ALG9: variants seen among roughly 807,000 people sequenced by gnomAD.
ALG9 encodes the protein alpha-1,2-mannosyltransferase ALG9.
Under a neutral mutation model 81.8 loss-of-function variants are expected in ALG9, and 55 were observed. The ratio of observed to expected loss-of-function variants is 0.67; its 90% CI spans 0.54 to 0.84. The LOEUF (loss-of-function observed/expected upper bound fraction) is 0.84. Ranked by LOEUF, ALG9 falls within the 40% of genes least tolerant of loss-of-function variation. The pLI is 0.00. For synonymous variants in ALG9, 278 were observed against 274.3 expected (o/e 1.01, Z -0.13); for missense variants, 629 against 745.0 (o/e 0.84, Z 1.81).
chr11:111,850,809 G>A (rs1355350839), intron 8 of ALG9, among the ~76,000 whole-genome samples: 5 of 150,976 alleles, frequency 3.3e-5, no homozygotes, highest in Middle Eastern at 3.4e-3. Flanking sequence ...ACTGCCTAAA[G>A]TCTGGCTGAC....
chr11:111,851,415 T>C (rs1387002157), intron 8 of ALG9, among the ~76,000 whole-genome samples: 1 of 148,450 alleles, frequency 6.7e-6, no homozygotes, highest in Non-Finnish European at 1.5e-5. Flanking sequence ...GGAGGGGAGG[T>C]TGCAGTGAGC....
rs1421049277 is a variant in ALG9, at chr11:111,788,832, T to C, written c.1734-2312A>G. Among the ~76,000 whole-genome samples the C allele has an allele frequency of 3.3e-5, 5 of 151,918 alleles. No individual in the cohort carries two copies. In the East Asian group the frequency reaches 9.6e-4, roughly 29 times the overall value. On this transcript the variant is annotated intron_variant, in intron 14 of 14. Transcript: ENST00000616540. ...AAGGGTAGAACAGAAAGATGCAAAATAGAGCAAACTCCTATAAGCTTTAGT... is the reference window on the plus strand; with the variant it reads ...AAGGGTAGAACAGAAAGATGCAAAACAGAGCAAACTCCTATAAGCTTTAGT...
Position 111,820,210 on chromosome 11 carries a change from T to A in ALG9, c.1603-10437A>T, listed in dbSNP as rs202082520. Among the ~76,000 whole-genome samples, 16 of 152,266 alleles carry A rather than the reference T, an allele frequency of 1.1e-4. No homozygotes were observed. In the East Asian group the frequency reaches 2.9e-3, roughly 28 times the overall value. On this transcript the variant is annotated intron_variant, in intron 13 of 14. Transcript: ENST00000616540. ...AATCCAAAGGAAATAAACAGAAGAA[T>A]CACACTTAAGAGCAACTGTCTTAGT...
intron 8 of ALG9, among the ~76,000 whole-genome samples, chr11:111,845,985 A>G (rs1351189141): frequency 3.3e-5 from 5 of 152,224 alleles, no homozygotes; most frequent in African/African-American, 1.2e-4. Context: ...ATGATAGAGA[A>G]TATTCATGAA....
intron 8 of ALG9, among the ~76,000 whole-genome samples, chr11:111,852,093 T>G (rs1478264459): frequency 1.3e-5 from 2 of 152,194 alleles, no homozygotes; most frequent in Non-Finnish European, 2.9e-5. Flanking sequence ...TTGGTTCTAT[T>G]GGCAAAATGG....
chr11:111,870,779 A>G, intron 1 of ALG9: 1 of 1,008,858 alleles, frequency 9.9e-7, no homozygotes, highest in African/African-American at 1.7e-5. Flanking sequence ...ACTCACTTGA[A>G]GGCCACAAAG....
At chr11:111,774,177 G>A in the ALG9 span, among the ~76,000 whole-genome samples, 1 of 150,278 alleles carries the variant, frequency 6.7e-6, no homozygotes, top group Non-Finnish European at 1.5e-5. Context: ...GGGAGTTTGA[G>A]ACCAGCCTGA....
At position 111,864,499 on chromosome 11, in the gene ALG9, G is replaced by C. The variant is rs1309506147; in HGVS notation, c.476+682C>G. 7.2e-6 allele frequency: 5 copies of C among 690,422 alleles called. No individual in the cohort carries two copies. The African/African-American group carries it at 8.9e-5, about 12-fold the overall frequency. 42.8% of individuals were successfully genotyped at this position (690,422 alleles called of 1,614,324 possible). A position where few individuals can be genotyped will look rare whatever the true frequency, so the allele number is the denominator to read the frequency against. ...AAAAGTTTCCCAAACCACTTCTTAT[G>C]ATCCAGTGGATATTCAAAAGAGAGC... is the stretch of plus-strand genomic sequence containing the variant. On this transcript the variant is annotated intron_variant, in intron 4 of 14. Coordinates refer to ENST00000616540, the MANE Select transcript of ALG9 (RefSeq NM_024740.2).
the ALG9 span, among the ~76,000 whole-genome samples, chr11:111,771,706 A>G: frequency 1.8e-4 from 28 of 152,204 alleles, 1 homozygote; most frequent in Non-Finnish European, 3.4e-4. Context: ...TTCATTTGGC[A>G]AGATGACCCT....
chr11:111,862,252 T>G (rs1555148658), intron 4 of ALG9, among the ~76,000 whole-genome samples: 1 of 150,908 alleles, frequency 6.6e-6, no homozygotes, highest in African/African-American at 2.4e-5. Context: ...TTTTTTTTTT[T>G]TTTTAGAGAG....
chr11:111,800,351 C>T (rs1031791676), intron 14 of ALG9, among the ~76,000 whole-genome samples: 10 of 151,866 alleles, frequency 6.6e-5, no homozygotes, highest in African/African-American at 1.5e-4. Flanking sequence ...CATGGTGGCA[C>T]GCGCCTGTAG....
At position 111,783,331 on chromosome 11, in the gene ALG9, GCCTGTAATC is replaced by G. The variant is rs1421393864; in HGVS notation, c.*3057_*3065del. ...TTAGCTGAGTGCGGTGGTGGTGTGT[GCCTGTAATC>G]CCAGCTACTCAGGAGGCTGAAGCAG... On this transcript the variant is annotated 3_prime_UTR_variant, in exon 15 of 15. Coordinates refer to ENST00000616540, the MANE Select transcript of ALG9 (RefSeq NM_024740.2). The G allele has an allele frequency of 6.6e-6, 1 of 152,244 alleles. No individual in the cohort carries two copies. The highest frequency in any genetic ancestry group is 1.9e-4 in the East Asian group (1 of 5,206). 9.4% of individuals were successfully genotyped at this position (152,244 alleles called of 1,614,324 possible).
chr11:111,855,373 C>T (rs1958497606), intron 6 of ALG9, among the ~76,000 whole-genome samples: 1 of 152,182 alleles, frequency 6.6e-6, no homozygotes, highest in South Asian at 2.1e-4. Flanking sequence ...ACCACATCTG[C>T]ATTTGAGGAA....
chr11:111,859,234 T>C (rs1339297315), intron 5 of ALG9, among the ~76,000 whole-genome samples: 1 of 152,172 alleles, frequency 6.6e-6, no homozygotes, highest in African/African-American at 2.4e-5. Flanking sequence ...CCACGTGCGG[T>C]GGCTCACACC....
chr11:111,802,023 T>C (rs539379098), intron 14 of ALG9, among the ~76,000 whole-genome samples: 2 of 152,314 alleles, frequency 1.3e-5, no homozygotes, highest in Admixed American at 1.3e-4. Flanking sequence ...TCCAGCTGTC[T>C]CCTATTACTA....
rs1034205685 is a variant in ALG9, at chr11:111,785,309, G to C, written c.*1088C>G. On this transcript the variant is annotated 3_prime_UTR_variant, in exon 15 of 15. Coordinates refer to ENST00000616540, the MANE Select transcript of ALG9 (RefSeq NM_024740.2). Reference sequence around the variant, plus strand: ...GAGGATCAAACGAGATGCTGTGAAAGTGCCTTGTAAACTGAAGTACTGACT... The same window carrying C: ...GAGGATCAAACGAGATGCTGTGAAACTGCCTTGTAAACTGAAGTACTGACT... 1.3e-5 allele frequency: 2 copies of C among 152,224 alleles called. No individual in the cohort carries two copies. The highest frequency in any genetic ancestry group is 6.5e-5 in the Admixed American group (1 of 15,284). 9.4% of individuals were successfully genotyped at this position (152,224 alleles called of 1,614,324 possible).
chr11:111,809,551 G>C, intron 14 of ALG9, 92 bp downstream of exon 14: 1 of 1,462,228 alleles, frequency 6.8e-7, no homozygotes. Context: ...ATGGCTACTA[G>C]AGTCAACCCA....
intron 5 of ALG9, among the ~76,000 whole-genome samples, chr11:111,858,233 C>G (rs1370434322): frequency 6.6e-6 from 1 of 152,126 alleles, no homozygotes; most frequent in African/African-American, 2.4e-5. Flanking sequence ...CCGCACCTGG[C>G]CTCTCCTTCC....
chr11:111,768,045 A>T, the ALG9 span, among the ~76,000 whole-genome samples: 1 of 152,194 alleles, frequency 6.6e-6, no homozygotes, highest in Admixed American at 6.5e-5. Context: ...TGCTGCTTTT[A>T]TTGTTCTGGG....
Sources: allele counts gnomAD v4.1 joint callset (sites outside exome capture counted in the v4.1 genomes callset), GRCh38; gene constraint gnomAD v4.1.1; transcripts MANE v1.5; gene names NCBI Gene and HGNC (gene_info 2026-07-23, HGNC 2026-07-21).